CHST15: variants seen among roughly 807,000 people sequenced by gnomAD.
CHST15 encodes B cell RAG associated protein (GALNAC4S-6ST).
Under a neutral mutation model 53.6 loss-of-function variants are expected in CHST15, and 30 were observed. The ratio of observed to expected loss-of-function variants is 0.56; its 90% confidence interval spans 0.42 to 0.76. The LOEUF is 0.76. Ranked by LOEUF, CHST15 falls within the 30% of genes least tolerant of loss-of-function variation. The pLI is 0.00. For missense variants in CHST15, 627 were observed against 740.5 expected, an observed-to-expected ratio of 0.85 and a Z score of 1.78; for synonymous variants, 296 against 289.8, an observed-to-expected ratio of 1.02 and a Z score of -0.22.
At chr10:124,093,370 C>G (rs1164627439) in intron 1 of CHST15, 99 bp downstream of exon 1, 2 of 152,622 alleles carry the variant, frequency 1.3e-5, no homozygotes, top group Non-Finnish European at 2.9e-5. Context: ...CTGCCTGGCC[C>G]GAACCCGCGG....
chr10:124,076,828 G>A (rs576199170), intron 1 of CHST15, among the ~76,000 whole-genome samples: 1 of 151,706 alleles, frequency 6.6e-6, no homozygotes, highest in East Asian at 1.9e-4. Context: ...TCCTGCCTCA[G>A]CCTCCCGAGG....
intron 5 of CHST15, among the ~76,000 whole-genome samples, chr10:124,038,141 C>G (rs1947584364): frequency 6.7e-6 from 1 of 148,654 alleles, no homozygotes; most frequent in Non-Finnish European, 1.5e-5. Context: ...GAGTCTCACT[C>G]TGACACCCAG....
At chr10:124,011,644 C>T (rs1457814297) in intron 7 of CHST15, 8 of 985,338 alleles carry the variant, frequency 8.1e-6, no homozygotes, top group Non-Finnish European at 9.6e-6. Context: ...CCAGCACATG[C>T]CTCTGCCAGC....
intron 1 of CHST15, among the ~76,000 whole-genome samples, chr10:124,062,617 C>A (rs1948616848): frequency 6.6e-6 from 1 of 152,148 alleles, no homozygotes; most frequent in African/African-American, 2.4e-5. Flanking sequence ...GCAACCACCA[C>A]CACCAGCAGC....
chr10:124,048,482 A>T (rs181141688), intron 1 of CHST15, among the ~76,000 whole-genome samples: 26 of 152,298 alleles, frequency 1.7e-4, no homozygotes, highest in African/African-American at 6.3e-4. Flanking sequence ...CCCATCTCTT[A>T]TCCCTGAGGG....
chr10:124,027,555 C>T (rs919036567), intron 5 of CHST15, among the ~76,000 whole-genome samples: 1 of 152,190 alleles, frequency 6.6e-6, no homozygotes, highest in African/African-American at 2.4e-5. Flanking sequence ...CTGCTCCTCC[C>T]GCCAGGGCTC....
intron 1 of CHST15, among the ~76,000 whole-genome samples, chr10:124,060,124 C>T (rs1359289736): frequency 6.7e-6 from 1 of 148,604 alleles, no homozygotes; most frequent in Non-Finnish European, 1.5e-5. Context: ...AGTGTATGCA[C>T]AGGTGTGCCA....
chr10:124,020,266 G>A (rs1002799556), intron 6 of CHST15: 1 of 985,426 alleles, frequency 1.0e-6, no homozygotes, highest in Non-Finnish European at 1.2e-6. Flanking sequence ...TGAGACAACT[G>A]CCTAGAGTCA....
At chr10:124,044,502 C>T in intron 3 of CHST15, 78 bp downstream of exon 3, 1 of 1,237,132 alleles carries the variant, frequency 8.1e-7, no homozygotes, top group East Asian at 2.8e-5. Flanking sequence ...CGCCCCCCAA[C>T]CCCAGCGCTA....
chr10:124,042,176 TCAAAA>T, intron 4 of CHST15, 120 bp downstream of exon 4: 8 of 906,996 alleles, frequency 8.8e-6, no homozygotes, highest in Admixed American at 4.7e-5. Flanking sequence ...AAGTGGAGGC[TCAAAA>T]GAAGTTTGCT....
intron 1 of CHST15, among the ~76,000 whole-genome samples, chr10:124,056,170 C>G (rs1276390453): frequency 6.6e-6 from 1 of 152,238 alleles, no homozygotes; most frequent in Non-Finnish European, 1.5e-5. Context: ...TACCCCACCA[C>G]CCAGGCCTGG....
chr10:124,052,359 T>C (rs1948228022), intron 1 of CHST15, among the ~76,000 whole-genome samples: 1 of 152,218 alleles, frequency 6.6e-6, no homozygotes, highest in African/African-American at 2.4e-5. Context: ...TTCGACAGTT[T>C]TGATCACATC....
chr10:124,068,285 A>C (rs1228482128), intron 1 of CHST15, among the ~76,000 whole-genome samples: 1 of 152,118 alleles, frequency 6.6e-6, no homozygotes, highest in Non-Finnish European at 1.5e-5. Flanking sequence ...CCACGGCCTG[A>C]CACTTAGCCC....
chr10:124,045,440 C>T (rs1947958744), intron 2 of CHST15, among the ~76,000 whole-genome samples: 1 of 152,194 alleles, frequency 6.6e-6, no homozygotes, highest in Admixed American at 6.5e-5. Flanking sequence ...CTTGAACATG[C>T]CTAGCCCAGC....
chr10:124,044,287 T>C (rs969923652), intron 3 of CHST15, among the ~76,000 whole-genome samples: 3 of 152,190 alleles, frequency 2.0e-5, no homozygotes, highest in African/African-American at 7.2e-5. Context: ...TACTGGCCAC[T>C]GGCACTTACT....
chr10:124,018,585 C>T (rs1946663595), intron 6 of CHST15, among the ~76,000 whole-genome samples: 1 of 152,318 alleles, frequency 6.6e-6, no homozygotes, highest in African/African-American at 2.4e-5. Flanking sequence ...CTGCTCTGAG[C>T]ATTTTATGGC....
In CHST15 at chr10:124,019,373, G is replaced by T. The variant is rs1209755899; in HGVS notation, c.1347+1883C>A. Among the ~76,000 whole-genome samples the T allele has an allele frequency of 6.6e-6, 1 of 152,178 alleles. No individual in the cohort carries two copies. The highest frequency in any genetic ancestry group is 1.9e-4 in the East Asian group (1 of 5,186). On this transcript the variant is annotated intron_variant, in intron 6 of 7. Coordinates refer to ENST00000435907, the MANE Select transcript of CHST15 (RefSeq NM_001270764.2). This position sits in a 1 kb window ranked among gnomAD's most constrained non-coding sequence, Gnocchi z 4.6. ...ACTCCGTAGGGGTCCAGGGCCAAGA[G>T]TCACAGCTGAGAGTGGTTCTGGGTC...
intron 5 of CHST15, among the ~76,000 whole-genome samples, chr10:124,033,421 A>G (rs1470790398): frequency 2.0e-5 from 3 of 152,238 alleles, no homozygotes; most frequent in Non-Finnish European, 4.4e-5. Flanking sequence ...GATCAGGTGC[A>G]GAACGGGAGG....
rs529126930 is a variant in CHST15 at position 124,038,406 on chromosome 10, T to C, written c.1190+109A>G. The C allele has an allele frequency of 6.2e-6, 8 of 1,291,456 alleles. No homozygotes were observed. In the Admixed American group the frequency reaches 9.5e-5, roughly 15 times the overall value. The allele number at this position is 1,291,456 out of a possible 1,614,324, so 80.0% of individuals were successfully genotyped here. ...CAGGCATGAGCCACTGTACCCGACC[T>C]GTTTAATTTTTTCTAAAGGAGACAA... is the stretch of plus-strand genomic sequence containing the variant. On this transcript the variant is annotated intron_variant, in intron 5 of 7. Transcript: ENST00000435907.
Sources: gnomAD v4.1 joint callset for allele counts (sites outside exome capture counted in the v4.1 genomes callset) on GRCh38, gnomAD v4.1.1 for gene constraint, Gnocchi (gnomAD v3.1) non-coding constraint, MANE v1.5 for transcripts, NCBI Gene and HGNC (gene_info 2026-07-23, HGNC 2026-07-21) for gene names.